The following ZNF536 variants were observed in gnomAD, a reference collection of about 807,000 sequenced individuals.
ZNF536 encodes the protein zinc finger protein 536.
Under a neutral mutation model 84.5 loss-of-function variants are expected in ZNF536, and 13 were observed. That is an observed-to-expected ratio of 0.15 (90% confidence interval 0.10 to 0.24). The LOEUF (loss-of-function observed/expected upper bound fraction) is 0.24, where lower values mean the gene tolerates loss of function less well. Among genes scored for constraint, ZNF536 ranks in the 10% least tolerant of loss-of-function variants. ZNF536 has a pLI of 1.00. For missense variants in ZNF536, 1,536 were observed against 1,747.5 expected (o/e 0.88, Z 2.16); for synonymous variants, 811 against 742.5 (o/e 1.09, Z -1.50).
At chr19:30,267,135 A>G (rs953251279) in intron 1 of ZNF536, among the ~76,000 whole-genome samples, 6 of 152,350 alleles carry the variant, frequency 3.9e-5, no homozygotes, top group Non-Finnish European at 8.8e-5. Context: ...GAGGCAAGAA[A>G]TATTTTTGTG....
chr19:30,578,793 A>G (rs1200529682), intron 1 of ZNF536, among the ~76,000 whole-genome samples: 1 of 152,214 alleles, frequency 6.6e-6, no homozygotes, highest in Non-Finnish European at 1.5e-5. Flanking sequence ...TTACCAGGCC[A>G]TAGGGCTCTC....
At chr19:30,687,578 C>G in intron 1 of ZNF536, among the ~76,000 whole-genome samples, 1 of 152,174 alleles carries the variant, frequency 6.6e-6, no homozygotes, top group East Asian at 1.9e-4. Flanking sequence ...AGTGTAAACT[C>G]AAGGTCACGT....
At chr19:30,425,543 C>T (rs1418896697) in intron 1 of ZNF536, among the ~76,000 whole-genome samples, 1 of 152,190 alleles carries the variant, frequency 6.6e-6, no homozygotes, top group African/African-American at 2.4e-5. Context: ...ACCTCCTCAG[C>T]ACTGGCCTTG....
chr19:30,326,255 G>A (rs1409162912), intron 2 of ZNF536, among the ~76,000 whole-genome samples: 3 of 152,172 alleles, frequency 2.0e-5, no homozygotes, highest in East Asian at 3.9e-4. Context: ...CGGGCTTGGC[G>A]TCGCTCTGCC....
upstream of ZNF536, among the ~76,000 whole-genome samples, chr19:30,226,160 C>A (rs1229242811): frequency 6.6e-6 from 1 of 151,344 alleles, no homozygotes; most frequent in Non-Finnish European, 1.5e-5. This position sits in a 1 kb window ranked among gnomAD's most constrained non-coding sequence, Gnocchi z 4.6. Flanking sequence ...CGGCGCCCCC[C>A]ACCCGCGAGC....
At chr19:30,589,696 G>T (rs77009691) in intron 1 of ZNF536, among the ~76,000 whole-genome samples, 4,564 of 152,266 alleles carry the variant, frequency 0.03, 207 homozygotes, top group African/African-American at 0.1. Flanking sequence ...GGACAAGGTA[G>T]AGCTGGGCTT....
At chr19:30,565,908 T>C (rs193262721) in intron 1 of ZNF536, among the ~76,000 whole-genome samples, 8 of 152,148 alleles carry the variant, frequency 5.3e-5, no homozygotes, top group Admixed American at 2.6e-4. Context: ...CCGAACCTGA[T>C]AGCCCATCTC....
intron 1 of ZNF536, among the ~76,000 whole-genome samples, chr19:30,585,154 C>T (rs994122708): frequency 6.6e-6 from 1 of 151,990 alleles, no homozygotes; most frequent in Non-Finnish European, 1.5e-5. Context: ...AAAGAAGATA[C>T]AGTCTTAAGC....
chr19:30,612,111 C>G (rs960429884), intron 1 of ZNF536, among the ~76,000 whole-genome samples: 1 of 152,118 alleles, frequency 6.6e-6, no homozygotes, highest in Non-Finnish European at 1.5e-5. Context: ...AATGAGCAGC[C>G]CAGCTTAAGG....
chr19:30,588,209 A>G (rs1287927922), intron 1 of ZNF536, among the ~76,000 whole-genome samples: 1 of 152,228 alleles, frequency 6.6e-6, no homozygotes, highest in Non-Finnish European at 1.5e-5. Context: ...TTTGGCAGAC[A>G]GCACCCTAGC....
intron 1 of ZNF536, among the ~76,000 whole-genome samples, chr19:30,435,965 T>C (rs16964188): frequency 0.11 from 16,076 of 152,194 alleles, 1,217 homozygotes; most frequent in African/African-American, 0.21. Context: ...AATGGTCACG[T>C]CTTTGAGAAT....
At position 30,576,071 on chromosome 19, in the gene ZNF536, G is replaced by A. The variant is rs73539134; in HGVS notation, c.169+26557G>A. 6.2e-3 allele frequency among the ~76,000 whole-genome samples: 950 copies of A among 152,292 alleles called. 11 individuals are homozygous for A. The highest frequency in any genetic ancestry group is 0.022 in the African/African-American group (911 of 41,556). The stretch of plus-strand genomic sequence containing the variant: ...CACATTGGAATTCTTAATGATGTTT[G>A]AGCCAAGGGTCCTGCATTTCTCTTT... On this transcript the variant is annotated intron_variant, in intron 1 of 1. Transcript: ENST00000592773.
At chr19:30,482,788 C>T (rs2054141588) in intron 2 of ZNF536, among the ~76,000 whole-genome samples, 2 of 152,168 alleles carry the variant, frequency 1.3e-5, no homozygotes, top group African/African-American at 4.8e-5. Context: ...AATGTTCTAT[C>T]AGTCCCTTGT....
chr19:30,385,245 G>A (rs941634162), intron 1 of ZNF536, among the ~76,000 whole-genome samples: 10 of 152,160 alleles, frequency 6.6e-5, no homozygotes, highest in South Asian at 2.1e-4. Context: ...AGGAAGAGCC[G>A]GTGGTGGAGT....
chr19:30,457,315 G>A (rs939525308), intron 2 of ZNF536, among the ~76,000 whole-genome samples: 5 of 152,240 alleles, frequency 3.3e-5, no homozygotes, highest in African/African-American at 1.2e-4. Flanking sequence ...ACTTCCTGGA[G>A]GAAGCAGACA....
In ZNF536 at chr19:30,323,358, C is replaced by T. The variant is rs76218344; in HGVS notation, c.-119-29010C>T. ...CCTCGGGCACTTAACACCAGTCCAG[C>T]GACATCTCCTACCTCCCGTTTGCTC... On this transcript the variant is annotated intron_variant, in intron 2 of 5. Transcript: ENST00000585628. 2.0e-3 allele frequency among the ~76,000 whole-genome samples: 310 copies of T among 152,300 alleles called. 3 individuals are homozygous for T. The highest frequency in any genetic ancestry group is 7.0e-3 in the African/African-American group (289 of 41,570).
Position 30,626,928 on chromosome 19 carries a change from T to C in ZNF536, c.169+77414T>C, listed in dbSNP as rs74365128. Among the ~76,000 whole-genome samples the C allele has an allele frequency of 3.8e-3, 584 of 152,268 alleles. 28 individuals are homozygous for C. In the East Asian group the frequency reaches 0.099, roughly 26 times the overall value. On this transcript the variant is annotated intron_variant, in intron 1 of 1. Transcript: ENST00000592773. The stretch of plus-strand genomic sequence containing the variant: ...TCCTTCCCGGGTTTTCTTAATTCAA[T>C]TGGGGTTGTGGATATTTTAGGAATT...
intron 2 of ZNF536, among the ~76,000 whole-genome samples, chr19:30,453,718 C>A (rs1350436307): frequency 6.6e-6 from 1 of 152,240 alleles, no homozygotes; most frequent in Non-Finnish European, 1.5e-5. Flanking sequence ...TGAACAAACA[C>A]CATCTTCAGC....
At chr19:30,370,551 A>G (rs928681107), upstream of ZNF536, among the ~76,000 whole-genome samples, 2 of 152,242 alleles carry the variant, frequency 1.3e-5, no homozygotes, top group Admixed American at 6.5e-5. Flanking sequence ...TGCACAATCC[A>G]GGCAAAACAG....
Sources: gnomAD v4.1 joint callset for allele counts (sites outside exome capture counted in the v4.1 genomes callset) on GRCh38, gnomAD v4.1.1 for gene constraint, Gnocchi (gnomAD v3.1) non-coding constraint, MANE v1.5 for transcripts, NCBI Gene and HGNC (gene_info 2026-07-23, HGNC 2026-07-21) for gene names.